CREG1: variants seen among roughly 807,000 people sequenced by gnomAD.
CREG1 encodes the protein cellular repressor of E1A stimulated genes 1, also known as protein CREG1.
Under a neutral mutation model 19.9 loss-of-function variants are expected in CREG1, and 20 were observed. That is an observed-to-expected ratio of 1.01 (90% CI 0.71 to 1.46). The LOEUF is 1.46. Among genes scored for constraint, CREG1 ranks in the 40% most tolerant of loss-of-function variants. The probability of loss-of-function intolerance (pLI) is 0.00; values close to 1 mark genes in which losing one functional copy is unlikely to be tolerated. For missense variants in CREG1, 290 were observed against 314.9 expected (o/e 0.92, Z 0.60); for synonymous variants, 141 against 143.3 (o/e 0.98, Z 0.12).
intron 2 of CREG1, among the ~76,000 whole-genome samples, chr1:167,546,683 C>T (rs1656333492): frequency 6.6e-6 from 1 of 152,126 alleles, no homozygotes; most frequent in Admixed American, 6.5e-5. Flanking sequence ...TCTATAAATC[C>T]TAAGAGTTTA....
chr1:167,553,747 T>G lies in CREG1; in HGVS notation c.-6A>C, dbSNP rs571363025. On this transcript the variant is annotated 5_prime_UTR_variant, in exon 1 of 4. Coordinates refer to ENST00000370509, the MANE Select transcript of CREG1 (RefSeq NM_003851.3). ...CCGCGGGATAGCCCGGCCATGGCGG[T>G]GTCTCCAGGAAGAGTCCCGGGCCCC... is the stretch of plus-strand genomic sequence containing the variant. 7.9e-7 allele frequency: 1 copy of G among 1,273,310 alleles called. No homozygotes were observed. Among genetic ancestry groups the G allele is most frequent in the Non-Finnish European group, 9.9e-7 (1 of 1,009,634 alleles). 78.9% of individuals were successfully genotyped at this position (1,273,310 alleles called of 1,614,324 possible).
In CREG1 at chr1:167,543,756, T is replaced by G. The variant is rs113366651; in HGVS notation, c.660-1455A>C. Among the ~76,000 whole-genome samples, 658 of 152,320 alleles carry G rather than the reference T, an allele frequency of 4.3e-3. 3 individuals carry two copies. The highest frequency in any genetic ancestry group is 0.015 in the African/African-American group (628 of 41,562). ...GCCCTGCCCATCCCTCGGGTTCTGG[T>G]GCACTGCCTCAGAAGAGTCACATCT... On this transcript the variant is annotated intron_variant, in intron 3 of 3. Transcript: ENST00000370509.
chr1:167,548,504 C>A (rs1656367649), intron 1 of CREG1, among the ~76,000 whole-genome samples: 2 of 152,168 alleles, frequency 1.3e-5, no homozygotes, highest in Non-Finnish European at 2.9e-5. Flanking sequence ...GCTAAAAACA[C>A]CACAGTTGCT....
intron 1 of CREG1, among the ~76,000 whole-genome samples, chr1:167,548,618 T>C (rs1656371157): frequency 6.6e-6 from 1 of 152,258 alleles, no homozygotes; most frequent in South Asian, 2.1e-4. Context: ...CTGGAGAAGT[T>C]GTTCATTCCT....
chr1:167,544,111 T>C (rs528163783), intron 3 of CREG1, among the ~76,000 whole-genome samples: 25 of 152,310 alleles, frequency 1.6e-4, no homozygotes, highest in Admixed American at 9.8e-4. Context: ...ACCTCTATAT[T>C]CCTATGAAGT....
chr1:167,547,051 G>GTGTAGTT (rs1656340433), intron 2 of CREG1, among the ~76,000 whole-genome samples: 1 of 152,196 alleles, frequency 6.6e-6, no homozygotes, highest in Admixed American at 6.5e-5. Flanking sequence ...TGCCAGTGAA[G>GTGTAGTT]GACACTCAAC....
In CREG1 at chr1:167,546,145, T is replaced by C; in HGVS notation, c.615A>G (p.Gly205=). 2.5e-6 allele frequency: 4 copies of C among 1,609,486 alleles called. No individual in the cohort carries two copies. Among genetic ancestry groups the C allele is most frequent in the Non-Finnish European group, 3.4e-6 (4 of 1,178,738 alleles). The change falls in exon 3 of 4, where the codon GGA becomes GGG. Residue 205 remains glycine (G), a synonymous_variant. Coordinates refer to ENST00000370509, the MANE Select transcript of CREG1 (RefSeq NM_003851.3). ...ATTCTTCTGGTGTCACGATTTTTGG[T>C]CCACCAAAGTAGTCCAGGACCCAGA... is the stretch of plus-strand genomic sequence containing the variant. ...TNIWVLDYFG[G]PKIVTPEEYY...
intron 3 of CREG1, among the ~76,000 whole-genome samples, chr1:167,545,534 A>T (rs1656302255): frequency 6.6e-6 from 1 of 152,174 alleles, no homozygotes; most frequent in African/African-American, 2.4e-5. Context: ...CTACTTTAAA[A>T]GCACAGAAAA....
chr1:167,547,790 G>A (rs955402289), intron 2 of CREG1, among the ~76,000 whole-genome samples: 1 of 152,012 alleles, frequency 6.6e-6, no homozygotes, highest in Non-Finnish European at 1.5e-5. Flanking sequence ...GTGTGGTGGT[G>A]CGTGCCTGTA....
chr1:167,553,724 G>A lies in CREG1; in HGVS notation c.18C>T (p.Arg6=). 1 of 1,290,252 alleles carries A rather than the reference G, an allele frequency of 7.8e-7. No individual in the cohort carries two copies. The highest frequency in any genetic ancestry group is 9.8e-7 in the Non-Finnish European group (1 of 1,023,254). 79.9% of individuals were successfully genotyped at this position (1,290,252 alleles called of 1,614,324 possible). A position where few individuals can be genotyped will look rare whatever the true frequency, so the allele number is the denominator to read the frequency against. Residue 6 remains arginine, a synonymous_variant, in exon 1 of 4, where the codon CGC becomes CGT. Transcript: ENST00000370509. Reference sequence around the variant, plus strand: ...CGGCGAGCAGTGCGCGCGCGGACCCGCGGGATAGCCCGGCCATGGCGGTGT... The same window carrying A: ...CGGCGAGCAGTGCGCGCGCGGACCCACGGGATAGCCCGGCCATGGCGGTGT... MAGLS[R]GSARALLAAL...
chr1:167,546,596 C>T (rs1347012927), intron 2 of CREG1, among the ~76,000 whole-genome samples: 3 of 151,748 alleles, frequency 2.0e-5, no homozygotes, highest in South Asian at 4.2e-4. Flanking sequence ...GAGCCGAGAT[C>T]GTGCCACTGC....
At chr1:167,546,029 C>G in intron 3 of CREG1, 72 bp downstream of exon 3, 1 of 1,344,102 alleles carries the variant, frequency 7.4e-7, no homozygotes, top group East Asian at 2.5e-5. Context: ...ACGGTTAAAC[C>G]CCCCTTGCCT....
rs191607359 is a variant in CREG1 at position 167,551,933 on chromosome 1, G to A, written c.354+1455C>T. ...CTTCTGTTTTTGCTCAAAGAGTGCA[G>A]GCCCACAGTGTCACTGGATCTTCCC... On this transcript the variant is annotated intron_variant, in intron 1 of 3. Transcript: ENST00000370509. Among the ~76,000 whole-genome samples, 255 of 152,294 alleles carry A rather than the reference G, an allele frequency of 1.7e-3. 1 individual carries two copies. The highest frequency in any genetic ancestry group is 2.9e-3 in the Non-Finnish European group (199 of 68,028).
At chr1:167,549,672 C>G (rs992898863) in intron 1 of CREG1, among the ~76,000 whole-genome samples, 1 of 151,576 alleles carries the variant, frequency 6.6e-6, no homozygotes, top group African/African-American at 2.4e-5. Context: ...CGTGAGACAC[C>G]GCACCTGGCC....
intron 1 of CREG1, among the ~76,000 whole-genome samples, chr1:167,552,342 T>C (rs538477923): frequency 3.9e-5 from 6 of 152,362 alleles, no homozygotes; most frequent in African/African-American, 1.4e-4. Flanking sequence ...TGTTGTACTT[T>C]CAGAGTTGAA....
At position 167,546,479 on chromosome 1, in the gene CREG1, T is replaced by TA. The variant is rs879716140; in HGVS notation, c.475-195dup. Among the ~76,000 whole-genome samples the TA allele has an allele frequency of 7.6e-4, 108 of 142,716 alleles. 1 individual carries two copies. Among genetic ancestry groups the TA allele is most frequent in the Middle Eastern group, 7.1e-3 (2 of 282 alleles). The allele number at this position is 142,716 out of a possible 152,430, so 93.6% of individuals were successfully genotyped here. A position where few individuals can be genotyped will look rare whatever the true frequency, so the allele number is the denominator to read the frequency against. On this transcript the variant is annotated intron_variant, in intron 2 of 3. Coordinates refer to ENST00000370509, the MANE Select transcript of CREG1 (RefSeq NM_003851.3). ...TAACACGGTGAAACCCCATCTCTACTAAAAAAAAAAAAATTAGCCAGATGT... is the reference window on the plus strand; with the variant it reads ...TAACACGGTGAAACCCCATCTCTACTAAAAAAAAAAAAAATTAGCCAGATGT...
chr1:167,552,584 G>A (rs1400059625), intron 1 of CREG1, among the ~76,000 whole-genome samples: 2 of 152,180 alleles, frequency 1.3e-5, no homozygotes, highest in Non-Finnish European at 2.9e-5. Flanking sequence ...GCCTGTGGAG[G>A]CCTAAAGACT....
chr1:167,552,840 A>T (rs1656443746), intron 1 of CREG1, among the ~76,000 whole-genome samples: 1 of 152,112 alleles, frequency 6.6e-6, no homozygotes, highest in South Asian at 2.1e-4. Context: ...TGAGGTCAGG[A>T]GTTTGAGACC....
rs1490987477 is a variant in CREG1, at chr1:167,541,079, A to G, written c.*1219T>C. 2.6e-5 allele frequency: 4 copies of G among 152,254 alleles called. No individual in the cohort carries two copies. Among genetic ancestry groups the G allele is most frequent in the African/African-American group, 7.2e-5 (3 of 41,466 alleles). 9.4% of individuals were successfully genotyped at this position (152,254 alleles called of 1,614,324 possible). A position where few individuals can be genotyped will look rare whatever the true frequency, so the allele number is the denominator to read the frequency against. On this transcript the variant is annotated 3_prime_UTR_variant, in exon 4 of 4. Transcript: ENST00000370509. ...AGAAGTCCATTTTACTAAATTTAGT[A>G]TAAATTATTTTTCTTAAACAGAACC...
Sources: allele counts gnomAD v4.1 joint callset (sites outside exome capture counted in the v4.1 genomes callset), GRCh38; gene constraint gnomAD v4.1.1; transcripts MANE v1.5; gene names NCBI Gene and HGNC (gene_info 2026-07-23, HGNC 2026-07-21).